Variants in TMEM165 observed in about 807,000 individuals in gnomAD.
The protein encoded by TMEM165 is transmembrane protein 165.
In TMEM165, 19 loss-of-function variants were observed where a neutral mutation model predicts 30.0. The ratio of observed to expected loss-of-function variants is 0.63; its 90% CI spans 0.44 to 0.93. TMEM165 has a LOEUF of 0.93. Among genes scored for constraint, TMEM165 ranks in the 40% least tolerant of loss-of-function variants. The probability of loss-of-function intolerance (pLI) is 0.00; values close to 1 mark genes in which losing one functional copy is unlikely to be tolerated. For missense variants in TMEM165, 340 were observed against 417.0 expected (o/e 0.82, Z 1.61); for synonymous variants, 168 against 162.9 (o/e 1.03, Z -0.24).
At chr4:55,429,758 A>G (rs1327283227), downstream of TMEM165, 1 of 152,198 alleles carries the variant, frequency 6.6e-6, no homozygotes, top group Non-Finnish European at 1.5e-5. Flanking sequence ...TAAAACAAAG[A>G]AGGCAGCAAG....
chr4:55,451,486 T>C (rs1724448401), intron 3 of TMEM165, among the ~76,000 whole-genome samples: 3 of 152,122 alleles, frequency 2.0e-5, no homozygotes, highest in Admixed American at 2.0e-4. Context: ...CCATCAAAAT[T>C]CATGATTTTG....
intron 1 of TMEM165, among the ~76,000 whole-genome samples, chr4:55,401,104 A>G (rs1313972872): frequency 1.3e-5 from 2 of 150,608 alleles, no homozygotes; most frequent in East Asian, 3.8e-4. Flanking sequence ...TTCAAGTGGA[A>G]GATATGTTAT....
At chr4:55,401,573 G>T (rs996950884) in intron 1 of TMEM165, among the ~76,000 whole-genome samples, 1 of 150,360 alleles carries the variant, frequency 6.7e-6, no homozygotes, top group South Asian at 2.1e-4. Context: ...TTATGTTTTG[G>T]TATTTCATTT....
chr4:55,425,030 G>GA (rs1722136358), intron 5 of TMEM165, among the ~76,000 whole-genome samples: 1 of 152,184 alleles, frequency 6.6e-6, no homozygotes, highest in African/African-American at 2.4e-5. Flanking sequence ...AGAGATGGAA[G>GA]AATCGTCTCT....
At chr4:55,441,590 T>TGGAGCTGGAGGCC (rs1192421255) in intron 3 of TMEM165, among the ~76,000 whole-genome samples, 2 of 152,166 alleles carry the variant, frequency 1.3e-5, no homozygotes, top group Non-Finnish European at 2.9e-5. Context: ...GCAACTTGGA[T>TGGAGCTGGAGGCC]GGAGCTGGAG....
chr4:55,401,778 A>C (rs1471928675), intron 1 of TMEM165, among the ~76,000 whole-genome samples: 2 of 150,254 alleles, frequency 1.3e-5, no homozygotes, highest in African/African-American at 2.5e-5. Flanking sequence ...ATTAATACTG[A>C]ATTTATTTAG....
chr4:55,445,356 T>A (rs1164506135), intron 3 of TMEM165, among the ~76,000 whole-genome samples: 1 of 152,104 alleles, frequency 6.6e-6, no homozygotes, highest in African/African-American at 2.4e-5. Context: ...GTACCCCAGC[T>A]GATGGCTTCC....
At chr4:55,430,001 A>C (rs1426221085), downstream of TMEM165, 3 of 152,236 alleles carry the variant, frequency 2.0e-5, no homozygotes, top group Non-Finnish European at 4.4e-5. Flanking sequence ...AAAACAAAAC[A>C]AACCACACAT....
intron 2 of TMEM165, among the ~76,000 whole-genome samples, chr4:55,414,404 TCTC>T (rs1721645269): frequency 6.6e-6 from 1 of 152,226 alleles, no homozygotes; most frequent in Non-Finnish European, 1.5e-5. Context: ...TTCTACATCT[TCTC>T]TTTTATAGCT....
At chr4:55,452,532 T>G (rs373957684) in exon 4 of TMEM165, 4 of 155,414 alleles carry the variant, frequency 2.6e-5, no homozygotes, top group African/African-American at 9.6e-5. Context: ...AACTAGGAGA[T>G]AACAAGTGTG....
intron 1 of TMEM165, among the ~76,000 whole-genome samples, 171 bp downstream of exon 1, chr4:55,396,567 G>C (rs1720738879): frequency 6.6e-6 from 1 of 152,210 alleles, no homozygotes; most frequent in Non-Finnish European, 1.5e-5. Context: ...GTGAGGCCTG[G>C]TCTTGCCCGC....
chr4:55,421,465 AT>A (rs1420240138), intron 4 of TMEM165, among the ~76,000 whole-genome samples: 1 of 151,500 alleles, frequency 6.6e-6, no homozygotes. Context: ...TGCCTGGCTA[AT>A]TTTGTATTTT....
intron 1 of TMEM165, 25 bp downstream of exon 1, chr4:55,396,421 C>T (rs1270011448): frequency 3.5e-6 from 5 of 1,426,444 alleles, no homozygotes; most frequent in Non-Finnish European, 9.1e-7. Context: ...ATGGGGCGAG[C>T]GAGGCTGCAG....
downstream of TMEM165, among the ~76,000 whole-genome samples, chr4:55,427,460 A>C (rs1722271140): frequency 6.6e-6 from 1 of 151,880 alleles, no homozygotes; most frequent in African/African-American, 2.4e-5. Context: ...CTCCTGCCTC[A>C]GCCTCCCAAG....
At chr4:55,432,388 T>G (rs1253836905) in intron 3 of TMEM165, 1 of 151,950 alleles carries the variant, frequency 6.6e-6, no homozygotes, top group African/African-American at 2.4e-5. Flanking sequence ...AGCTAGCATT[T>G]TTCCTGAAAC....
In TMEM165 at chr4:55,396,157, C is replaced by G. The variant is rs1314803364; in HGVS notation, c.-33C>G. 2 of 1,335,266 alleles carry G rather than the reference C, an allele frequency of 1.5e-6. No individual in the cohort carries two copies. The highest frequency in any genetic ancestry group is 2.1e-5 in the South Asian group (1 of 47,334). 82.7% of individuals were successfully genotyped at this position (1,335,266 alleles called of 1,614,324 possible). On this transcript the variant is annotated 5_prime_UTR_variant, in exon 1 of 6. Coordinates refer to ENST00000381334, the MANE Select transcript of TMEM165 (RefSeq NM_018475.5). ...TTCCCGTCGCCGGCACTTCCTCTTG[C>G]GGCGCCCGTGCGCGGCCGGCCCGGC...
intron 2 of TMEM165, 175 bp from the exon 3 acceptor site, chr4:55,416,896 GT>G (rs1224145684): frequency 1.8e-6 from 1 of 544,180 alleles, no homozygotes; most frequent in East Asian, 3.3e-5. Context: ...AGACCTAATG[GT>G]TTATTATTGG....
intron 3 of TMEM165, among the ~76,000 whole-genome samples, chr4:55,438,124 C>T (rs899849255): frequency 4.6e-5 from 7 of 152,176 alleles, no homozygotes; most frequent in Non-Finnish European, 7.3e-5. Flanking sequence ...GAAAAAAAAT[C>T]GCCAACCAGA....
chr4:55,443,924 G>A (rs746531985), intron 3 of TMEM165: 2 of 1,585,806 alleles, frequency 1.3e-6, no homozygotes, highest in East Asian at 2.2e-5. Context: ...ATGTTAAAAT[G>A]AGCTTTGTAG....
Sources: gnomAD v4.1 joint callset for allele counts (sites outside exome capture counted in the v4.1 genomes callset) on GRCh38, gnomAD v4.1.1 for gene constraint, MANE v1.5 for transcripts, NCBI Gene and HGNC (gene_info 2026-07-23, HGNC 2026-07-21) for gene names.